Variants in SLIT3 observed in about 807,000 individuals in gnomAD.
SLIT3 encodes slit guidance ligand 3, also known as slit homolog 3 protein.
SLIT3 carries 68 observed loss-of-function variants against 184.0 expected under a neutral mutation model. The ratio of observed to expected loss-of-function variants is 0.37; its 90% CI spans 0.30 to 0.45. SLIT3 has a LOEUF of 0.45. Ranked by LOEUF, SLIT3 falls within the 20% of genes least tolerant of loss-of-function variation. The pLI is 1.00. For missense variants in SLIT3, 1,707 were observed against 2,026.0 expected (o/e 0.84, Z 3.02); for synonymous variants, 831 against 828.6 (o/e 1.00, Z -0.05).
chr5:168,890,278 G>A (rs1485655294), intron 4 of SLIT3, among the ~76,000 whole-genome samples: 3 of 152,158 alleles, frequency 2.0e-5, no homozygotes, highest in Non-Finnish European at 4.4e-5. Context: ...TTTTAGCTGG[G>A]GCCCAAAATC....
intron 4 of SLIT3, among the ~76,000 whole-genome samples, chr5:169,191,030 T>C (rs1453043041): frequency 6.6e-6 from 1 of 152,206 alleles, no homozygotes; most frequent in Non-Finnish European, 1.5e-5. Context: ...TTGGCAGCCA[T>C]TCAAAGTGTG....
intron 4 of SLIT3, among the ~76,000 whole-genome samples, chr5:169,037,155 G>A (rs1166593577): frequency 6.6e-6 from 1 of 152,174 alleles, no homozygotes; most frequent in Non-Finnish European, 1.5e-5. Flanking sequence ...ATTGCCAGGG[G>A]CACTACTTCA....
At chr5:168,737,738 C>T (rs1227989073) in intron 20 of SLIT3, among the ~76,000 whole-genome samples, 3 of 152,150 alleles carry the variant, frequency 2.0e-5, no homozygotes, top group Admixed American at 2.0e-4. Context: ...TCTTCTCTAA[C>T]CGTTATGAAG....
Position 168,813,296 on chromosome 5 carries a change from A to G in SLIT3, c.793+4004T>C, listed in dbSNP as rs75426683. On this transcript the variant is annotated intron_variant, in intron 8 of 35. Coordinates refer to ENST00000519560, the MANE Select transcript of SLIT3 (RefSeq NM_003062.4). ...TCCTAAAATTTAAACCCCCAAATAA[A>G]CCCTTTAGATAAGGATGAAAAAAAA... Among the ~76,000 whole-genome samples, 648 of 145,638 alleles carry G rather than the reference A, an allele frequency of 4.4e-3. 4 individuals carry two copies. Among genetic ancestry groups the G allele is most frequent in the African/African-American group, 0.016 (614 of 38,776 alleles).
intron 4 of SLIT3, among the ~76,000 whole-genome samples, chr5:168,992,307 T>C (rs967868785): frequency 6.6e-6 from 1 of 152,192 alleles, no homozygotes; most frequent in East Asian, 1.9e-4. Flanking sequence ...GGCAGCCTTA[T>C]GAATGGGGAG....
rs780450481 is a variant in SLIT3 at position 168,760,924 on chromosome 5, G to T, written c.1623C>A (p.Asp541Glu). The T allele has an allele frequency of 1.9e-6, 3 of 1,613,684 alleles. No individual in the cohort carries two copies. Among genetic ancestry groups the T allele is most frequent in the Admixed American group, 3.3e-5 (2 of 60,012 alleles). ...TGGCCTCCAGAACAGATACCTCATT[G>T]TCATTCAGTCGCCTGTGTAGGAAGC... ...PEYVTDLRLN[D>E]NEVSVLEATG... The change falls in exon 16 of 36, where the codon GAC becomes GAA. Residue 541 changes from aspartate (D) to glutamate (E), a missense_variant. This residue lies in a region of SLIT3 where 1,307 missense variants were observed against 1,511.6 expected (regional missense o/e 0.86). Transcript: ENST00000519560.
chr5:169,187,118 T>TTTTTTTG, intron 4 of SLIT3, among the ~76,000 whole-genome samples: 1 of 140,310 alleles, frequency 7.1e-6, no homozygotes, highest in South Asian at 2.4e-4. Context: ...TAGGTTTTTT[T>TTTTTTTG]TTTTTTTTTT....
intron 4 of SLIT3, among the ~76,000 whole-genome samples, chr5:168,884,549 G>GATATATATATATAT (rs58407375): frequency 0.045 from 1,828 of 40,974 alleles, 326 homozygotes; most frequent in Middle Eastern, 0.075. Flanking sequence ...CCAATTACGA[G>GATATATATATATAT]ATATATATAT....
chr5:168,865,196 G>T (rs200109887), intron 5 of SLIT3, among the ~76,000 whole-genome samples: 4 of 107,786 alleles, frequency 3.7e-5, no homozygotes, highest in East Asian at 2.7e-4. Flanking sequence ...AAAAAAAAAA[G>T]AACATGGATA....
intron 3 of SLIT3, among the ~76,000 whole-genome samples, chr5:169,206,628 CTA>C (rs376372948): frequency 1.3e-3 from 198 of 152,286 alleles, no homozygotes; most frequent in African/African-American, 4.6e-3. Flanking sequence ...TCAAACATTC[CTA>C]GTTTGTGAAT....
intron 4 of SLIT3, among the ~76,000 whole-genome samples, chr5:168,941,724 G>A (rs542260602): frequency 6.6e-6 from 1 of 152,276 alleles, no homozygotes; most frequent in Non-Finnish European, 1.5e-5. Context: ...TGCAGAATCT[G>A]GAGTTGGACC....
At chr5:169,079,852 A>G (rs1581385402) in intron 4 of SLIT3, among the ~76,000 whole-genome samples, 7 of 87,374 alleles carry the variant, frequency 8.0e-5, no homozygotes, top group Admixed American at 1.3e-4. Context: ...GAGGAGGAGG[A>G]GGGAGGGAGG....
At chr5:169,084,463 T>A (rs879717006) in intron 4 of SLIT3, among the ~76,000 whole-genome samples, 7,368 of 137,174 alleles carry the variant, frequency 0.054, 252 homozygotes, top group East Asian at 0.15. Flanking sequence ...GATTTTTTTT[T>A]TTTTTTTTTT....
At chr5:168,818,148 G>A (rs1042635832) in intron 7 of SLIT3, among the ~76,000 whole-genome samples, 2 of 152,112 alleles carry the variant, frequency 1.3e-5, no homozygotes, top group African/African-American at 2.4e-5. Context: ...TCTCTCCACA[G>A]TGCCCTTGCT....
chr5:169,141,866 A>G (rs1489296316), intron 4 of SLIT3, among the ~76,000 whole-genome samples: 1 of 151,760 alleles, frequency 6.6e-6, no homozygotes, highest in Admixed American at 6.6e-5. Flanking sequence ...CCTGACCTAC[A>G]TGGTGAAAAC....
At chr5:168,817,188 T>G in intron 8 of SLIT3, 112 bp downstream of exon 8, 2 of 980,438 alleles carry the variant, frequency 2.0e-6, no homozygotes, top group East Asian at 5.2e-5. Context: ...TGGGGTTCCT[T>G]CCACACCAAG....
At chr5:168,686,841 G>T in intron 30 of SLIT3, 138 bp downstream of exon 30, 3 of 916,290 alleles carry the variant, frequency 3.3e-6, no homozygotes, top group Non-Finnish European at 5.1e-6. Flanking sequence ...AAGGTATCAG[G>T]GGAATAAAGG....
intron 4 of SLIT3, among the ~76,000 whole-genome samples, chr5:168,905,169 C>T (rs1419059950): frequency 7.1e-6 from 1 of 140,266 alleles, no homozygotes; most frequent in East Asian, 2.3e-4. Context: ...GAGCGAGACT[C>T]CATCTCCAAA....
intron 5 of SLIT3, among the ~76,000 whole-genome samples, chr5:168,850,567 C>A (rs1176505442): frequency 6.6e-6 from 1 of 152,244 alleles, no homozygotes; most frequent in Non-Finnish European, 1.5e-5. Flanking sequence ...TGATTGTTAG[C>A]ATTCCAAAGA....
Sources: gnomAD v4.1 joint callset for allele counts (sites outside exome capture counted in the v4.1 genomes callset) on GRCh38, gnomAD v4.1.1 for gene constraint, gnomAD v4.1.1 regional missense constraint, MANE v1.5 for transcripts, NCBI Gene and HGNC (gene_info 2026-07-23, HGNC 2026-07-21) for gene names.